The following PALM2AKAP2 variants were observed in gnomAD, a reference collection of about 807,000 sequenced individuals.
The protein encoded by PALM2AKAP2 is PALM2 and AKAP2 fusion.
A neutral mutation model predicts 71.5 loss-of-function variants in PALM2AKAP2; 37 were observed. The ratio of observed to expected loss-of-function variants is 0.52; its 90% CI spans 0.40 to 0.68. The LOEUF is 0.68. Among genes scored for constraint, PALM2AKAP2 ranks in the 30% least tolerant of loss-of-function variants. The pLI, the probability that PALM2AKAP2 is intolerant of heterozygous loss-of-function variation, is 0.00. For missense variants in PALM2AKAP2, 1,224 were observed against 1,191.8 expected, an observed-to-expected ratio of 1.03 and a Z score of -0.40; for synonymous variants, 468 against 478.8, an observed-to-expected ratio of 0.98 and a Z score of 0.29.
At chr9:109,840,862 G>A (rs1828642585) in intron 1 of PALM2AKAP2, among the ~76,000 whole-genome samples, 1 of 152,144 alleles carries the variant, frequency 6.6e-6, no homozygotes, top group Non-Finnish European at 1.5e-5. Flanking sequence ...AAAAAGTCAG[G>A]AGACAACAGG....
intron 1 of PALM2AKAP2, among the ~76,000 whole-genome samples, chr9:110,071,770 T>TA (rs1389493090): frequency 6.6e-6 from 1 of 152,216 alleles, no homozygotes; most frequent in African/African-American, 2.4e-5. Context: ...CCCTTAGACT[T>TA]AAGTAGTATT....
intron 7 of PALM2AKAP2, among the ~76,000 whole-genome samples, chr9:110,032,958 T>C (rs1003263408): frequency 9.9e-5 from 15 of 151,918 alleles, no homozygotes; most frequent in African/African-American, 3.6e-4. Flanking sequence ...ATAAATTTAT[T>C]GAATGTCGTA....
chr9:110,171,099 G>C (rs903975373), exon 4 of PALM2AKAP2: 4 of 152,222 alleles, frequency 2.6e-5, no homozygotes, highest in Non-Finnish European at 4.4e-5. Flanking sequence ...TTACCTTAAA[G>C]TTTTTTGTTC....
intron 1 of PALM2AKAP2, among the ~76,000 whole-genome samples, chr9:109,652,332 T>G (rs1827236688): frequency 6.6e-6 from 1 of 151,958 alleles, no homozygotes; most frequent in African/African-American, 2.4e-5. Context: ...CCTGAAGTAA[T>G]AAATTAGCTC....
chr9:109,839,669 C>T (rs565517690), intron 1 of PALM2AKAP2, among the ~76,000 whole-genome samples: 1 of 152,220 alleles, frequency 6.6e-6, no homozygotes, highest in African/African-American at 2.4e-5. Flanking sequence ...GCAACTTCAG[C>T]AAAGTCTCAG....
intron 3 of PALM2AKAP2, among the ~76,000 whole-genome samples, chr9:109,915,254 G>A (rs979662756): frequency 2.6e-5 from 4 of 152,230 alleles, no homozygotes; most frequent in African/African-American, 9.6e-5. Context: ...CTTGCCATGG[G>A]AGGTGGTGAG....
intron 2 of PALM2AKAP2, among the ~76,000 whole-genome samples, chr9:109,879,146 G>A (rs1297871136): frequency 6.6e-6 from 1 of 152,166 alleles, no homozygotes; most frequent in East Asian, 1.9e-4. Flanking sequence ...AGAGCTTCAG[G>A]GAGTGCTCCA....
chr9:109,865,554 C>A (rs938471475), intron 1 of PALM2AKAP2, among the ~76,000 whole-genome samples: 2 of 152,132 alleles, frequency 1.3e-5, no homozygotes, highest in Non-Finnish European at 2.9e-5. Context: ...GAGAATGGTT[C>A]ACCAATATGA....
At chr9:109,753,956 C>T (rs990937075) in intron 1 of PALM2AKAP2, among the ~76,000 whole-genome samples, 6 of 152,090 alleles carry the variant, frequency 3.9e-5, no homozygotes, top group Admixed American at 2.0e-4. Flanking sequence ...TTCACTGCCC[C>T]GGTATAACTA....
chr9:109,667,342 A>G (rs1251245173), intron 1 of PALM2AKAP2, among the ~76,000 whole-genome samples: 1 of 152,156 alleles, frequency 6.6e-6, no homozygotes, highest in Non-Finnish European at 1.5e-5. Flanking sequence ...GCTGTAGGCT[A>G]GGCCAAGATG....
chr9:109,649,788 G>T (rs1183094158), intron 1 of PALM2AKAP2, among the ~76,000 whole-genome samples: 1 of 152,148 alleles, frequency 6.6e-6, no homozygotes, highest in Non-Finnish European at 1.5e-5. Context: ...GCTTTGGATT[G>T]GATATTTTGT....
intron 1 of PALM2AKAP2, chr9:109,760,463 A>T (rs187185369): frequency 6.6e-6 from 1 of 152,332 alleles, no homozygotes; most frequent in East Asian, 1.9e-4. Context: ...ACAAACTGTT[A>T]TTATTCCCAT....
chr9:109,767,902 T>C (rs13283088), intron 1 of PALM2AKAP2, among the ~76,000 whole-genome samples: 43,889 of 110,162 alleles, frequency 0.4, 8,191 homozygotes, highest in African/African-American at 0.61. Context: ...GGCTAATACA[T>C]TTAGCAGGAT....
intron 1 of PALM2AKAP2, among the ~76,000 whole-genome samples, chr9:109,692,257 A>G (rs1347971163): frequency 6.6e-6 from 1 of 151,858 alleles, no homozygotes; most frequent in Non-Finnish European, 1.5e-5. Context: ...CATAGTTGGT[A>G]CTACCTAGAT....
chr9:109,907,291 G>A (rs1830467546), intron 3 of PALM2AKAP2, among the ~76,000 whole-genome samples: 1 of 152,200 alleles, frequency 6.6e-6, no homozygotes, highest in African/African-American at 2.4e-5. Flanking sequence ...CTGGGCAGCT[G>A]TTACTGAATA....
At chr9:110,056,479 T>A (rs1387531715) in intron 1 of PALM2AKAP2, among the ~76,000 whole-genome samples, 2 of 152,208 alleles carry the variant, frequency 1.3e-5, no homozygotes, top group Non-Finnish European at 2.9e-5. Context: ...TCAACCCTAA[T>A]TGAAAGGCAC....
chr9:110,046,717 C>T (rs142583404), upstream of PALM2AKAP2, among the ~76,000 whole-genome samples: 1,958 of 152,262 alleles, frequency 0.013, 37 homozygotes, highest in African/African-American at 0.045. Context: ...ATCCGCCCAC[C>T]TCGGCCTCCC....
At chr9:109,769,967 T>G (rs766358075) in intron 1 of PALM2AKAP2, among the ~76,000 whole-genome samples, 1 of 151,874 alleles carries the variant, frequency 6.6e-6, no homozygotes, top group Non-Finnish European at 1.5e-5. Flanking sequence ...AGACATGGAG[T>G]CAGAGGAAGC....
chr9:109,800,928 A>C (rs909166992), intron 1 of PALM2AKAP2, among the ~76,000 whole-genome samples: 3 of 152,216 alleles, frequency 2.0e-5, no homozygotes, highest in African/African-American at 7.2e-5. Flanking sequence ...CAACTGGCTT[A>C]TGTGTCAGTG....
Sources: allele counts gnomAD v4.1 joint callset (sites outside exome capture counted in the v4.1 genomes callset), GRCh38; gene constraint gnomAD v4.1.1; transcripts MANE v1.5; gene names NCBI Gene and HGNC (gene_info 2026-07-23, HGNC 2026-07-21).